Variants in LARP4 observed in about 807,000 individuals in gnomAD.
The protein encoded by LARP4 is La ribonucleoprotein 4, also known as la-related protein 4.
LARP4 carries 29 observed loss-of-function variants against 92.9 expected under a neutral mutation model. The observed-to-expected ratio is 0.31, with a 90% CI of 0.23 to 0.43. LARP4 has a LOEUF of 0.43. Ranked by LOEUF, LARP4 falls within the 20% of genes least tolerant of loss-of-function variation. The pLI is 1.00. For missense variants in LARP4, 732 were observed against 860.0 expected (o/e 0.85, Z 1.86); for synonymous variants, 279 against 284.1 (o/e 0.98, Z 0.18).
At position 50,467,043 on chromosome 12, in the gene LARP4, A is replaced by G; in HGVS notation, c.1468A>G (p.Ser490Gly). 6.2e-7 allele frequency: 1 copy of G among 1,613,912 alleles called. No homozygotes were observed. Among genetic ancestry groups the G allele is most frequent in the Admixed American group, 1.7e-5 (1 of 60,018 alleles). ...LASNFPPLPG[S>G]SSRMPGELVL... ...CTCAAATTTTCCACCTTTACCTGGA[A>G]GTTCATCAAGAATGCCAGGTGAACT... The change falls in exon 13 of 16, where the codon AGT (serine) becomes GGT (glycine). Residue 490 changes from serine (S) to glycine (G), a missense_variant. Coordinates refer to ENST00000398473, the MANE Select transcript of LARP4 (RefSeq NM_052879.5).
At chr12:50,432,281 T>A (rs1949774160) in intron 4 of LARP4, among the ~76,000 whole-genome samples, 1 of 152,208 alleles carries the variant, frequency 6.6e-6, no homozygotes, top group Non-Finnish European at 1.5e-5. Flanking sequence ...GTGATATAAC[T>A]CTAGACAGAG....
chr12:50,434,916 C>T (rs1323061678), intron 4 of LARP4, among the ~76,000 whole-genome samples: 1 of 152,082 alleles, frequency 6.6e-6, no homozygotes, highest in Non-Finnish European at 1.5e-5. Context: ...AGCGTGATGG[C>T]GGGCGCCTGT....
chr12:50,404,681 G>GTTTTTT (rs1162590362), intron 1 of LARP4, among the ~76,000 whole-genome samples: 1 of 67,356 alleles, frequency 1.5e-5, no homozygotes, highest in African/African-American at 4.6e-5. Context: ...GGTTCAAGCA[G>GTTTTTT]TTTTTTTTTT....
In LARP4 at chr12:50,453,530, G is replaced by A; in HGVS notation, c.875G>A (p.Ser292Asn). ...GYRLMDSSIY[S>N]HPIQTQAQYA... is the part of the protein sequence containing the mutation. ...CGATTAATGGATTCTAGTATCTATA[G>A]TCACCCCATTCAAACTCAAGCACAG... The change falls in exon 9 of 16, where the codon AGT becomes AAT. Residue 292 changes from serine to asparagine, a missense_variant. Coordinates refer to ENST00000398473, the MANE Select transcript of LARP4 (RefSeq NM_052879.5). The A allele has an allele frequency of 6.2e-7, 1 of 1,612,928 alleles. No homozygotes were observed. Among genetic ancestry groups the A allele is most frequent in the African/African-American group, 1.3e-5 (1 of 74,898 alleles).
intron 8 of LARP4, among the ~76,000 whole-genome samples, chr12:50,442,713 A>G (rs2137705665): frequency 6.6e-6 from 1 of 152,320 alleles, no homozygotes; most frequent in South Asian, 2.1e-4. Context: ...ACAGGAACCT[A>G]ATGAGATAGT....
At chr12:50,415,493 A>T (rs1040369687) in intron 1 of LARP4, among the ~76,000 whole-genome samples, 1 of 152,140 alleles carries the variant, frequency 6.6e-6, no homozygotes, top group African/African-American at 2.4e-5. Context: ...ATCCTCCGAT[A>T]TTTGGATATT....
At chr12:50,438,384 C>T (rs530969769) in intron 6 of LARP4, among the ~76,000 whole-genome samples, 1 of 151,698 alleles carries the variant, frequency 6.6e-6, no homozygotes, top group African/African-American at 2.4e-5. Context: ...GTAATCCCAG[C>T]TACTTGAGAG....
intron 1 of LARP4, among the ~76,000 whole-genome samples, chr12:50,410,081 C>T (rs1945579911): frequency 6.9e-6 from 1 of 145,504 alleles, no homozygotes; most frequent in Admixed American, 6.9e-5. Flanking sequence ...TGTGAGCCAC[C>T]ACGCCCGGCA....
chr12:50,411,670 AT>A (rs1945923149), intron 1 of LARP4, among the ~76,000 whole-genome samples: 1 of 146,818 alleles, frequency 6.8e-6, no homozygotes, highest in African/African-American at 2.5e-5. Flanking sequence ...TTCTATATTC[AT>A]TTTTGTTTTT....
chr12:50,470,403 C>G (rs765318039), intron 13 of LARP4, among the ~76,000 whole-genome samples: 29 of 151,928 alleles, frequency 1.9e-4, no homozygotes, highest in Non-Finnish European at 3.4e-4. Flanking sequence ...AGATGATACA[C>G]AAACACACAT....
intron 2 of LARP4, among the ~76,000 whole-genome samples, chr12:50,428,436 C>G (rs1017609308): frequency 6.6e-6 from 1 of 152,130 alleles, no homozygotes; most frequent in African/African-American, 2.4e-5. Context: ...GTATATAATT[C>G]TCATTTATAT....
In LARP4 at chr12:50,466,873, T is replaced by C. The variant is rs199822403; in HGVS notation, c.1384-86T>C. On this transcript the variant is annotated intron_variant, in intron 12 of 15. Coordinates refer to ENST00000398473, the MANE Select transcript of LARP4 (RefSeq NM_052879.5). ...TATAGAGGTTTTGTTTGCTTCTTTTTCTTTTCTTGCACCTTTCAGCTTCTG... is the reference window on the plus strand; with the variant it reads ...TATAGAGGTTTTGTTTGCTTCTTTTCCTTTTCTTGCACCTTTCAGCTTCTG... The C allele has an allele frequency of 8.7e-5, 115 of 1,324,594 alleles. No individual in the cohort carries two copies. In the African/African-American group the frequency reaches 1.5e-3, roughly 18 times the overall value. The allele number at this position is 1,324,594 out of a possible 1,614,324, so 82.1% of individuals were successfully genotyped here. A position where few individuals can be genotyped will look rare whatever the true frequency, so the allele number is the denominator to read the frequency against.
At chr12:50,452,525 G>A (rs1953402153) in intron 8 of LARP4, among the ~76,000 whole-genome samples, 1 of 152,048 alleles carries the variant, frequency 6.6e-6, no homozygotes, top group African/African-American at 2.4e-5. Flanking sequence ...TTCCATACTG[G>A]CTATACTAAT....
rs71083565 is a variant in LARP4, at chr12:50,408,187, CTTTTTTTTT to C, written c.18+7177_18+7185del. ...TGAGAGAAGAGAAAAGGATTTTCTG[CTTTTTTTTT>C]TTTTTTTTTTTTTTTTTCCAGCTGG... On this transcript the variant is annotated intron_variant, in intron 1 of 15. Transcript: ENST00000398473. Among the ~76,000 whole-genome samples the C allele has an allele frequency of 4.5e-4, 31 of 69,266 alleles. No homozygotes were observed. The East Asian group carries it at 4.5e-3, about 10-fold the overall frequency. The allele number at this position is 69,266 out of a possible 152,430, so 45.4% of individuals were successfully genotyped here. A position where few individuals can be genotyped will look rare whatever the true frequency, so the allele number is the denominator to read the frequency against.
At chr12:50,447,565 A>G (rs891918606) in intron 8 of LARP4, among the ~76,000 whole-genome samples, 1 of 151,924 alleles carries the variant, frequency 6.6e-6, no homozygotes, top group Admixed American at 6.6e-5. Flanking sequence ...TTTTTCCCCC[A>G]GTTTTATTTA....
chr12:50,414,380 T>G (rs1002890075), intron 1 of LARP4, among the ~76,000 whole-genome samples: 6 of 152,208 alleles, frequency 3.9e-5, no homozygotes, highest in Non-Finnish European at 5.9e-5. Flanking sequence ...CTTGGCTTAC[T>G]GCAACCTCCT....
chr12:50,465,233 ATGG>A (rs1955990268), intron 12 of LARP4, among the ~76,000 whole-genome samples: 1 of 151,722 alleles, frequency 6.6e-6, no homozygotes, highest in Non-Finnish European at 1.5e-5. Context: ...TTAGCCGGGT[ATGG>A]TGGTGGGTGC....
At position 50,435,674 on chromosome 12, in the gene LARP4, G is replaced by A. The variant is rs766855133; in HGVS notation, c.535+50G>A. On this transcript the variant is annotated intron_variant, in intron 5 of 15. Coordinates refer to ENST00000398473, the MANE Select transcript of LARP4 (RefSeq NM_052879.5). ...TTTTTTTAATTTTTAAACGTAAAAT[G>A]TTATTTCGACTTCTGATCATATAGG... 1.5e-5 allele frequency: 20 copies of A among 1,364,152 alleles called. No homozygotes were observed. In the East Asian group the frequency reaches 4.0e-4, roughly 28 times the overall value. 84.5% of individuals were successfully genotyped at this position (1,364,152 alleles called of 1,614,324 possible). A position where few individuals can be genotyped will look rare whatever the true frequency, so the allele number is the denominator to read the frequency against.
intron 13 of LARP4, among the ~76,000 whole-genome samples, chr12:50,471,717 C>T (rs1164069633): frequency 2.6e-5 from 4 of 152,086 alleles, no homozygotes; most frequent in Non-Finnish European, 5.9e-5. Context: ...GACAGGGTTT[C>T]GTCTTGTTGG....
Sources: gnomAD v4.1 joint callset for allele counts (sites outside exome capture counted in the v4.1 genomes callset) on GRCh38, gnomAD v4.1.1 for gene constraint, MANE v1.5 for transcripts, NCBI Gene and HGNC (gene_info 2026-07-23, HGNC 2026-07-21) for gene names.